The following TMPRSS11D variants were observed in gnomAD, a reference collection of about 807,000 sequenced individuals.
TMPRSS11D encodes transmembrane protease serine 11D.
A neutral mutation model predicts 44.4 loss-of-function variants in TMPRSS11D; 32 were observed. The observed-to-expected ratio is 0.72, with a 90% CI of 0.54 to 0.97. The LOEUF is 0.97. Ranked by LOEUF, TMPRSS11D falls within the 50% of genes least tolerant of loss-of-function variation. The pLI, the probability that TMPRSS11D is intolerant of heterozygous loss-of-function variation, is 0.00. For missense variants in TMPRSS11D, 446 were observed against 502.6 expected (o/e 0.89, Z 1.08); for synonymous variants, 179 against 177.9 (o/e 1.01, Z -0.05).
chr4:67,827,307 A>G lies in TMPRSS11D; in HGVS notation c.906T>C (p.Pro302=). The G allele has an allele frequency of 6.2e-7, 1 of 1,613,274 alleles. No individual in the cohort carries two copies. The highest frequency in any genetic ancestry group is 2.2e-5 in the East Asian group (1 of 44,852). The change falls in exon 8 of 10, where the codon CCT becomes CCC. Residue 302 remains proline, a synonymous_variant. Transcript: ENST00000283916. ...CLPAATQNIP[P]GSTAYVTGWG... ...ATCCTGTTACATAAGCAGTAGAGCC[A>G]GGTGGAATATTCTGGGTAGCAGCTG...
intron 2 of TMPRSS11D, among the ~76,000 whole-genome samples, chr4:67,859,047 C>T (rs1718729244): frequency 6.6e-6 from 1 of 152,126 alleles, no homozygotes; most frequent in Admixed American, 6.6e-5. Flanking sequence ...TATCTCCTGA[C>T]CATCCTAACT....
chr4:67,874,488 G>T (rs1172275663), intron 1 of TMPRSS11D, among the ~76,000 whole-genome samples: 1 of 152,128 alleles, frequency 6.6e-6, no homozygotes, highest in East Asian at 1.9e-4. Context: ...AGTGTTTCTT[G>T]CTCCAAATGT....
intron 2 of TMPRSS11D, among the ~76,000 whole-genome samples, chr4:67,855,648 C>T (rs894184987): frequency 6.6e-6 from 1 of 152,142 alleles, no homozygotes; most frequent in Non-Finnish European, 1.5e-5. Flanking sequence ...ACAAAGATGT[C>T]CACTTTCATC....
At position 67,833,502 on chromosome 4, in the gene TMPRSS11D, C is replaced by G. The variant is rs2109664205; in HGVS notation, c.515-121G>C. 3.2e-6 allele frequency: 3 copies of G among 937,398 alleles called. No individual in the cohort carries two copies. In the South Asian group the frequency reaches 1.2e-4, roughly 37 times the overall value. The allele number at this position is 937,398 out of a possible 1,614,324, so 58.1% of individuals were successfully genotyped here. On this transcript the variant is annotated intron_variant, in intron 6 of 9. Transcript: ENST00000283916. ...CTTATACATTCTTCCTCAGGACATGCTGGATTTTCCAAAAAGCATGATCGA... is the reference window on the plus strand; with the variant it reads ...CTTATACATTCTTCCTCAGGACATGGTGGATTTTCCAAAAAGCATGATCGA...
intron 3 of TMPRSS11D, among the ~76,000 whole-genome samples, chr4:67,844,983 A>G (rs1437736439): frequency 6.6e-6 from 1 of 152,192 alleles, no homozygotes; most frequent in East Asian, 1.9e-4. Context: ...TCGAAGTAGA[A>G]AAAACTGTCA....
chr4:67,859,862 G>GT (rs897640915), intron 1 of TMPRSS11D, among the ~76,000 whole-genome samples, 184 bp from the exon 2 acceptor site: 151 of 149,928 alleles, frequency 1.0e-3, no homozygotes, highest in East Asian at 3.7e-3. Flanking sequence ...TTTCTTTCAA[G>GT]TTTTTTTTTT....
At chr4:67,857,668 T>C (rs1312426379) in intron 2 of TMPRSS11D, among the ~76,000 whole-genome samples, 1 of 151,990 alleles carries the variant, frequency 6.6e-6, no homozygotes, top group African/African-American at 2.4e-5. Flanking sequence ...GTTGATCTCA[T>C]CAATGTAGAG....
chr4:67,848,686 A>G (rs867716704), intron 3 of TMPRSS11D, among the ~76,000 whole-genome samples: 2 of 152,164 alleles, frequency 1.3e-5, no homozygotes, highest in Admixed American at 6.5e-5. Flanking sequence ...TGGAAGGAAA[A>G]AGGCTCCTCA....
At chr4:67,854,603 T>C (rs959880887) in intron 2 of TMPRSS11D, among the ~76,000 whole-genome samples, 9 of 152,186 alleles carry the variant, frequency 5.9e-5, no homozygotes, top group African/African-American at 2.2e-4. Flanking sequence ...TAATATTCTT[T>C]ATTGAGGAGT....
At chr4:67,860,631 G>C (rs1173171042) in intron 1 of TMPRSS11D, among the ~76,000 whole-genome samples, 1 of 151,964 alleles carries the variant, frequency 6.6e-6, no homozygotes, top group African/African-American at 2.4e-5. Context: ...GAATGCTTGG[G>C]TGATATAGGT....
chr4:67,853,178 A>G (rs1329084170), intron 3 of TMPRSS11D, among the ~76,000 whole-genome samples: 1 of 152,180 alleles, frequency 6.6e-6, no homozygotes, highest in Non-Finnish European at 1.5e-5. Flanking sequence ...AGGTAACATG[A>G]AGGAAACAGG....
rs1718325717 is a variant in TMPRSS11D at position 67,845,028 on chromosome 4, G to A, written c.250-2403C>T. On this transcript the variant is annotated intron_variant, in intron 3 of 9. Transcript: ENST00000283916. ...AGGAATTGTTAAAATTTGATAAGTG[G>A]TTCTTGTAATTATATTTTAATTCAT... Among the ~76,000 whole-genome samples the A allele has an allele frequency of 2.6e-5, 4 of 152,264 alleles. No homozygotes were observed. In the South Asian group the frequency reaches 8.3e-4, roughly 32 times the overall value.
At chr4:67,851,426 C>T (rs895663131) in intron 3 of TMPRSS11D, among the ~76,000 whole-genome samples, 1 of 152,216 alleles carries the variant, frequency 6.6e-6, no homozygotes, top group African/African-American at 2.4e-5. Context: ...GCTCTGCAGA[C>T]AGATGCTAGA....
At position 67,854,143 on chromosome 4, in the gene TMPRSS11D, A is replaced by AT; in HGVS notation, c.173dup (p.Asn58LysfsTer3). 6.3e-7 allele frequency: 1 copy of AT among 1,597,656 alleles called. No individual in the cohort carries two copies. Among genetic ancestry groups the AT allele is most frequent in the Non-Finnish European group, 8.5e-7 (1 of 1,173,558 alleles). On this transcript the variant is annotated frameshift_variant, in exon 3 of 10. Transcript: ENST00000283916. LOFTEE classifies it high-confidence loss of function. ...AATTTAACTGACTATTATATTCAACATTTAGGAGTTGAAAACTGCTCCTAT... is the reference window on the plus strand; with the variant it reads ...AATTTAACTGACTATTATATTCAACATTTTAGGAGTTGAAAACTGCTCCTAT...
intron 5 of TMPRSS11D, 93 bp from the exon 6 acceptor site, chr4:67,835,214 G>A: frequency 1.7e-6 from 2 of 1,201,468 alleles, no homozygotes; most frequent in South Asian, 2.6e-5. Context: ...ACAACAAGAA[G>A]CAGAATTACT....
At chr4:67,843,381 C>A (rs982182898) in intron 3 of TMPRSS11D, among the ~76,000 whole-genome samples, 33 of 151,842 alleles carry the variant, frequency 2.2e-4, no homozygotes, top group African/African-American at 8.0e-4. Flanking sequence ...GGTGCCTATT[C>A]CAAGAGTGGA....
chr4:67,859,758 G>C, intron 1 of TMPRSS11D, 80 bp from the exon 2 acceptor site: 2 of 1,544,498 alleles, frequency 1.3e-6, no homozygotes. Flanking sequence ...ATTGTCTTCT[G>C]TCTTTCCCGG....
At chr4:67,824,240 C>T (rs183069374) in intron 9 of TMPRSS11D, among the ~76,000 whole-genome samples, 96 of 150,482 alleles carry the variant, frequency 6.4e-4, no homozygotes, top group African/African-American at 2.2e-3. Flanking sequence ...TGGTGAGGTA[C>T]GGCTTGAACT....
chr4:67,876,526 A>T (rs1423320633), intron 1 of TMPRSS11D, among the ~76,000 whole-genome samples: 1 of 152,220 alleles, frequency 6.6e-6, no homozygotes, highest in Non-Finnish European at 1.5e-5. Flanking sequence ...ATTTTATAAG[A>T]TTGACAGCAT....
Sources: gnomAD v4.1 joint callset for allele counts (sites outside exome capture counted in the v4.1 genomes callset) on GRCh38, gnomAD v4.1.1 for gene constraint, MANE v1.5 for transcripts, NCBI Gene and HGNC (gene_info 2026-07-23, HGNC 2026-07-21) for gene names.